Variants in GHR observed in about 807,000 individuals in gnomAD.
GHR encodes the protein growth hormone receptor, also known as GH receptor.
In GHR, 35 loss-of-function variants were observed where a neutral mutation model predicts 67.1. The observed-to-expected ratio is 0.52, with a 90% confidence interval of 0.40 to 0.69. The LOEUF is 0.69. Ranked by LOEUF, GHR falls within the 30% of genes least tolerant of loss-of-function variation. GHR has a pLI of 0.00. For synonymous variants in GHR, 272 were observed against 269.1 expected (o/e 1.01, Z -0.10); for missense variants, 792 against 764.6 (o/e 1.04, Z -0.42).
intron 1 of GHR, among the ~76,000 whole-genome samples, chr5:42,491,286 T>C (rs1746102380): frequency 1.3e-5 from 2 of 152,234 alleles, no homozygotes; most frequent in Admixed American, 1.3e-4. Context: ...ATATAAACTT[T>C]TCTATTAATA....
At chr5:42,624,438 C>T (rs1446432388) in intron 2 of GHR, among the ~76,000 whole-genome samples, 1 of 152,110 alleles carries the variant, frequency 6.6e-6, no homozygotes, top group Non-Finnish European at 1.5e-5. Flanking sequence ...AAACTTCCTA[C>T]GTAATTTTGA....
intron 1 of GHR, among the ~76,000 whole-genome samples, chr5:42,508,383 C>T (rs1032191818): frequency 1.3e-5 from 2 of 152,158 alleles, no homozygotes; most frequent in Non-Finnish European, 2.9e-5. Flanking sequence ...ATAAAAATGA[C>T]TTGTGATATT....
chr5:42,664,483 A>T (rs536012111), intron 3 of GHR, among the ~76,000 whole-genome samples: 5 of 152,366 alleles, frequency 3.3e-5, no homozygotes, highest in African/African-American at 1.2e-4. Flanking sequence ...GAGAAAAACA[A>T]GCAATGGGAA....
chr5:42,530,588 C>T (rs1034727977), intron 1 of GHR, among the ~76,000 whole-genome samples: 9 of 152,128 alleles, frequency 5.9e-5, no homozygotes, highest in African/African-American at 2.2e-4. Context: ...GGCCTTTATC[C>T]TTTCAGGGGA....
At chr5:42,680,165 G>A (rs1580186444) in intron 3 of GHR, among the ~76,000 whole-genome samples, 1 of 152,350 alleles carries the variant, frequency 6.6e-6, no homozygotes, top group Admixed American at 6.5e-5. Context: ...TTTATTATTT[G>A]TGAAAGGAAC....
At chr5:42,646,791 C>A (rs1352571838) in intron 3 of GHR, among the ~76,000 whole-genome samples, 3 of 152,158 alleles carry the variant, frequency 2.0e-5, no homozygotes, top group Admixed American at 6.5e-5. Flanking sequence ...CCCATAGTCA[C>A]CACCAGCATG....
rs1758878001 is a variant in GHR at position 42,719,018 on chromosome 5, G to C, written c.1511G>C (p.Gly504Ala). The C allele has an allele frequency of 4.4e-6, 7 of 1,606,614 alleles. No individual in the cohort carries two copies. Among genetic ancestry groups the C allele is most frequent in the Non-Finnish European group, 5.1e-6 (6 of 1,175,264 alleles). The part of the protein sequence containing the change: ...TPAGSVVLSP[G>A]QKNKAGMSQC... ...GCAGGTAGTGTGGTCCTTTCCCCGG[G>C]CCAAAAGAATAAGGCAGGGATGTCC... The change falls in exon 10 of 10, where the codon GGC (glycine) becomes GCC (alanine). Residue 504 changes from glycine (G) to alanine (A), a missense_variant. Physicochemically the swap from Gly to Ala is moderately conservative, Grantham distance 60. Transcript: ENST00000230882.
At chr5:42,544,378 C>G (rs1452678956) in intron 1 of GHR, among the ~76,000 whole-genome samples, 1 of 152,148 alleles carries the variant, frequency 6.6e-6, no homozygotes, top group Non-Finnish European at 1.5e-5. Context: ...GAACATTTTG[C>G]TGACAATTGT....
chr5:42,530,483 T>C (rs1346876870), intron 1 of GHR, among the ~76,000 whole-genome samples: 2 of 152,346 alleles, frequency 1.3e-5, no homozygotes, highest in Admixed American at 6.5e-5. Flanking sequence ...ATGGTTGTAA[T>C]TGAGAATGGC....
intron 6 of GHR, among the ~76,000 whole-genome samples, chr5:42,706,961 G>A (rs972872631): frequency 1.3e-5 from 2 of 152,058 alleles, no homozygotes; most frequent in African/African-American, 4.8e-5. Flanking sequence ...CATTGAATGT[G>A]TAGATTGGCT....
At chr5:42,628,383 A>G (rs1470956750) in intron 2 of GHR, among the ~76,000 whole-genome samples, 1 of 140,854 alleles carries the variant, frequency 7.1e-6, no homozygotes, top group Non-Finnish European at 1.5e-5. Flanking sequence ...CCATATCACC[A>G]GTATTCACAG....
At chr5:42,605,658 C>T (rs1034292205) in intron 2 of GHR, among the ~76,000 whole-genome samples, 3 of 152,216 alleles carry the variant, frequency 2.0e-5, no homozygotes, top group African/African-American at 7.2e-5. Context: ...TGCTTGTGCT[C>T]TATTTCAGAC....
chr5:42,590,990 C>T (rs914525599), intron 2 of GHR, among the ~76,000 whole-genome samples: 7 of 152,242 alleles, frequency 4.6e-5, no homozygotes, highest in African/African-American at 1.7e-4. Context: ...CTGTTGGCCA[C>T]CCACCTCACA....
In GHR at chr5:42,580,292, G is replaced by T. The variant is rs143931479; in HGVS notation, c.70+14348G>T. On this transcript the variant is annotated intron_variant, in intron 2 of 9. Coordinates refer to ENST00000230882, the MANE Select transcript of GHR (RefSeq NM_000163.5). ...TTTTCGGTGCTTGCAATGCCTCAATGAACAAAAGAGATAAAAACCTCTATG... is the reference window on the plus strand; with the variant it reads ...TTTTCGGTGCTTGCAATGCCTCAATTAACAAAAGAGATAAAAACCTCTATG... 7.9e-5 allele frequency among the ~76,000 whole-genome samples: 12 copies of T among 152,168 alleles called. No individual in the cohort carries two copies. In the East Asian group the frequency reaches 1.5e-3, roughly 20 times the overall value.
intron 1 of GHR, among the ~76,000 whole-genome samples, chr5:42,441,970 A>C (rs1350687060): frequency 6.6e-6 from 1 of 152,208 alleles, no homozygotes; most frequent in African/African-American, 2.4e-5. Context: ...AGAGCACAGC[A>C]GGGGGAATTA....
In GHR at chr5:42,581,212, G is replaced by A. The variant is rs866360753; in HGVS notation, c.70+15268G>A. ...AGGCACTGCACATTATGATGGAGAG[G>A]AATAAACTCCAGTCAAAAGTCATGG... On this transcript the variant is annotated intron_variant, in intron 2 of 9. Transcript: ENST00000230882. Among the ~76,000 whole-genome samples the A allele has an allele frequency of 2.0e-5, 3 of 152,168 alleles. No homozygotes were observed. The South Asian group carries it at 6.2e-4, about 32-fold the overall frequency.
chr5:42,444,316 T>C (rs1743717074), intron 1 of GHR, among the ~76,000 whole-genome samples: 1 of 152,196 alleles, frequency 6.6e-6, no homozygotes, highest in East Asian at 1.9e-4. Flanking sequence ...GCCAGTGACA[T>C]GAGACTTCAT....
At chr5:42,595,164 A>G (rs190396292) in intron 2 of GHR, among the ~76,000 whole-genome samples, 1 of 152,284 alleles carries the variant, frequency 6.6e-6, no homozygotes, top group African/African-American at 2.4e-5. Context: ...TTTGCTTAGT[A>G]TTTTGTTACC....
At chr5:42,694,872 C>A in intron 4 of GHR, 45 bp from the exon 5 acceptor site, 1 of 1,424,686 alleles carries the variant, frequency 7.0e-7, no homozygotes, top group Non-Finnish European at 9.9e-7. Context: ...TAAGCTACAA[C>A]ATGATTTTTG....
Sources: gnomAD v4.1 joint callset for allele counts (sites outside exome capture counted in the v4.1 genomes callset) on GRCh38, gnomAD v4.1.1 for gene constraint, MANE v1.5 for transcripts, NCBI Gene and HGNC (gene_info 2026-07-23, HGNC 2026-07-21) for gene names.